Variants in RB1CC1 observed in about 807,000 individuals in gnomAD.
The protein encoded by RB1CC1 is RB1 inducible coiled-coil 1.
RB1CC1 carries 46 observed loss-of-function variants against 177.5 expected under a neutral mutation model. That is an observed-to-expected ratio of 0.26 (90% CI 0.20 to 0.33). RB1CC1 has a LOEUF of 0.33. Ranked by LOEUF, RB1CC1 falls within the 10% of genes least tolerant of loss-of-function variation. The pLI, the probability that RB1CC1 is intolerant of heterozygous loss-of-function variation, is 1.00. For missense variants in RB1CC1, 1,703 were observed against 1,816.3 expected (o/e 0.94, Z 1.13); for synonymous variants, 666 against 613.6 (o/e 1.09, Z -1.26).
At chr8:52,702,450 T>C (rs948171807) in intron 1 of RB1CC1, among the ~76,000 whole-genome samples, 3 of 152,110 alleles carry the variant, frequency 2.0e-5, no homozygotes, top group African/African-American at 7.2e-5. Flanking sequence ...GGCACAGTGG[T>C]TCATGCCTGT....
intron 1 of RB1CC1, among the ~76,000 whole-genome samples, chr8:52,713,260 A>G (rs775066652): frequency 1.3e-5 from 2 of 152,240 alleles, no homozygotes; most frequent in Admixed American, 6.5e-5. Context: ...CCAAGTCTAC[A>G]CTACTTCAAG....
intron 21 of RB1CC1, among the ~76,000 whole-genome samples, chr8:52,629,120 C>CCA (rs1389643570): frequency 6.6e-6 from 1 of 152,022 alleles, no homozygotes; most frequent in Non-Finnish European, 1.5e-5. Flanking sequence ...AAGACAGATA[C>CCA]CACTAAGCCC....
chr8:52,681,073 C>T (rs535780782), intron 5 of RB1CC1, among the ~76,000 whole-genome samples: 2 of 149,454 alleles, frequency 1.3e-5, no homozygotes, highest in Admixed American at 1.3e-4. Flanking sequence ...CTCACTGCAA[C>T]CTCTGCCTCC....
chr8:52,659,113 A>G (rs1851368939), intron 12 of RB1CC1, 137 bp from the exon 13 acceptor site: 1 of 468,740 alleles, frequency 2.1e-6, no homozygotes, highest in African/African-American at 2.0e-5. Context: ...GAAACAAAAA[A>G]AGACCATTCA....
intron 3 of RB1CC1, among the ~76,000 whole-genome samples, chr8:52,684,329 C>G (rs779447391): frequency 6.6e-6 from 1 of 152,128 alleles, no homozygotes; most frequent in Non-Finnish European, 1.5e-5. Context: ...TGTGAAGATT[C>G]CTTCCTATCC....
At chr8:52,624,963 G>A (rs1848280599) in intron 22 of RB1CC1, among the ~76,000 whole-genome samples, 176 bp from the exon 23 acceptor site, 1 of 152,094 alleles carries the variant, frequency 6.6e-6, no homozygotes, top group Non-Finnish European at 1.5e-5. Flanking sequence ...CTAAATTCAT[G>A]TTACTTTTCA....
intron 1 of RB1CC1, among the ~76,000 whole-genome samples, chr8:52,712,910 G>C (rs1055433210): frequency 6.6e-6 from 1 of 152,120 alleles, no homozygotes; most frequent in Admixed American, 6.6e-5. Flanking sequence ...ACTAAAATCA[G>C]CCACCTCCCT....
Position 52,661,357 on chromosome 8 carries a change from AACTT to A in RB1CC1, c.1359-80_1359-77del, listed in dbSNP as rs551389191. ...TAGTTACTTACTTAGTAAGCTTACT[AACTT>A]AGTTAAGCCAAAGAAATCAAGATAT... On this transcript the variant is annotated intron_variant, in intron 9 of 23. Coordinates refer to ENST00000025008, the MANE Select transcript of RB1CC1 (RefSeq NM_014781.5). 4,135 of 1,551,638 alleles carry A rather than the reference AACTT, an allele frequency of 2.7e-3. 8 individuals carry two copies. The highest frequency in any genetic ancestry group is 3.3e-3 in the Non-Finnish European group (3,806 of 1,145,640).
intron 15 of RB1CC1, among the ~76,000 whole-genome samples, chr8:52,655,640 C>T (rs1336962915): frequency 6.6e-6 from 1 of 151,556 alleles, no homozygotes; most frequent in Admixed American, 6.6e-5. Flanking sequence ...AATATATATA[C>T]TAAATTTAAA....
intron 1 of RB1CC1, among the ~76,000 whole-genome samples, chr8:52,695,850 T>G (rs1294178314): frequency 6.6e-6 from 1 of 152,200 alleles, no homozygotes. Flanking sequence ...TTTCCTTCGT[T>G]CCCTGACCTG....
intron 7 of RB1CC1, among the ~76,000 whole-genome samples, chr8:52,670,090 C>T (rs1852428223): frequency 6.6e-6 from 1 of 152,160 alleles, no homozygotes. Context: ...CAGGCATGTG[C>T]CACCACAATC....
At chr8:52,707,820 T>C (rs936902850) in intron 1 of RB1CC1, among the ~76,000 whole-genome samples, 5 of 152,206 alleles carry the variant, frequency 3.3e-5, no homozygotes, top group African/African-American at 1.2e-4. Flanking sequence ...CATGTGAATT[T>C]GCCAACTTGA....
intron 1 of RB1CC1, among the ~76,000 whole-genome samples, chr8:52,699,450 G>T (rs954534401): frequency 6.6e-6 from 1 of 152,066 alleles, no homozygotes; most frequent in African/African-American, 2.4e-5. Context: ...GAATCAAAAT[G>T]ATGGGTACAT....
At chr8:52,697,564 G>A (rs976188633) in intron 1 of RB1CC1, among the ~76,000 whole-genome samples, 1 of 152,172 alleles carries the variant, frequency 6.6e-6, no homozygotes, top group East Asian at 1.9e-4. Context: ...TGATGCCTGA[G>A]TCTTGCTTTA....
At chr8:52,674,532 G>A (rs977077759) in intron 6 of RB1CC1, among the ~76,000 whole-genome samples, 3 of 152,180 alleles carry the variant, frequency 2.0e-5, no homozygotes, top group East Asian at 1.9e-4. Context: ...ACTTTGGGAG[G>A]TGGAGGGCAG....
chr8:52,633,869 G>A (rs1044709865), intron 20 of RB1CC1, among the ~76,000 whole-genome samples: 3 of 152,046 alleles, frequency 2.0e-5, no homozygotes, highest in African/African-American at 4.8e-5. Flanking sequence ...CAGGCGGATC[G>A]CTTAAGCTCA....
At chr8:52,648,853 A>G (rs1221329563) in intron 15 of RB1CC1, among the ~76,000 whole-genome samples, 2 of 152,162 alleles carry the variant, frequency 1.3e-5, no homozygotes, top group African/African-American at 2.4e-5. Flanking sequence ...AAGCACTTCA[A>G]GGCTTCTTTT....
chr8:52,673,513 C>T (rs1030751318), intron 7 of RB1CC1, among the ~76,000 whole-genome samples: 4 of 152,092 alleles, frequency 2.6e-5, no homozygotes, highest in Admixed American at 1.3e-4. Flanking sequence ...CACACGGGGA[C>T]TTTCTGGGCA....
chr8:52,701,565 C>G (rs992664386), intron 1 of RB1CC1, among the ~76,000 whole-genome samples: 17 of 152,070 alleles, frequency 1.1e-4, no homozygotes, highest in African/African-American at 4.1e-4. Flanking sequence ...TTCTTCTTTT[C>G]TTTTTCTTTA....
Sources: allele counts gnomAD v4.1 joint callset (sites outside exome capture counted in the v4.1 genomes callset), GRCh38; gene constraint gnomAD v4.1.1; transcripts MANE v1.5; gene names NCBI Gene and HGNC (gene_info 2026-07-23, HGNC 2026-07-21).